PHTF2: variants seen among roughly 807,000 people sequenced by gnomAD.
PHTF2 encodes putative homeodomain transcription factor 2.
A neutral mutation model predicts 101.2 loss-of-function variants in PHTF2; 60 were observed. That is an observed-to-expected ratio of 0.59 (90% CI 0.48 to 0.73). The LOEUF (loss-of-function observed/expected upper bound fraction) is 0.73. Ranked by LOEUF, PHTF2 falls within the 30% of genes least tolerant of loss-of-function variation. The pLI, the probability that PHTF2 is intolerant of heterozygous loss-of-function variation, is 0.00. For synonymous variants in PHTF2, 311 were observed against 307.3 expected (o/e 1.01, Z -0.13); for missense variants, 747 against 908.7 (o/e 0.82, Z 2.29).
At chr7:77,819,597 T>C (rs1794116872) in intron 1 of PHTF2, among the ~76,000 whole-genome samples, 1 of 152,220 alleles carries the variant, frequency 6.6e-6, no homozygotes, top group Non-Finnish European at 1.5e-5. Flanking sequence ...TGAATCATGA[T>C]GTATTATCTT....
intron 13 of PHTF2, among the ~76,000 whole-genome samples, chr7:77,939,590 A>C (rs1351570267): frequency 4.5e-5 from 4 of 88,380 alleles, no homozygotes; most frequent in Non-Finnish European, 8.3e-5. Context: ...ACCCTGTCTC[A>C]AAAAAAAAAA....
chr7:77,799,490 C>G (rs529339649), intron 1 of PHTF2, among the ~76,000 whole-genome samples: 5 of 152,218 alleles, frequency 3.3e-5, no homozygotes, highest in Non-Finnish European at 4.4e-5. Context: ...TGCCCTGCCC[C>G]CTCTGAGCAG....
intron 8 of PHTF2, 87 bp from the exon 8 acceptor site, chr7:77,910,158 T>A (rs1802245537): frequency 9.3e-7 from 1 of 1,073,752 alleles, no homozygotes. Context: ...CCTGTGTTTA[T>A]GTTTTCCAAA....
At chr7:77,923,212 A>G (rs1005180906) in intron 11 of PHTF2, 2 of 906,368 alleles carry the variant, frequency 2.2e-6, no homozygotes, top group Admixed American at 1.2e-4. Context: ...CTTTGTTTCT[A>G]TTTTTCCTTA....
intron 14 of PHTF2, 93 bp from the exon 14 acceptor site, chr7:77,940,435 A>T: frequency 7.6e-7 from 1 of 1,316,200 alleles, no homozygotes; most frequent in Non-Finnish European, 1.0e-6. Context: ...TATAGTACCT[A>T]ACCAAATAAA....
chr7:77,906,934 T>TAA (rs10694050), intron 7 of PHTF2, among the ~76,000 whole-genome samples: 54,257 of 118,512 alleles, frequency 0.46, 12,652 homozygotes, highest in East Asian at 0.68. Context: ...TAATGGTAGC[T>TAA]AAAAAAAAAA....
intron 1 of PHTF2, among the ~76,000 whole-genome samples, chr7:77,799,633 C>T (rs1384932438): frequency 1.3e-5 from 2 of 152,196 alleles, no homozygotes; most frequent in Admixed American, 6.5e-5. Context: ...TTTATCTGCC[C>T]AGTGTTGACA....
intron 10 of PHTF2, among the ~76,000 whole-genome samples, chr7:77,921,076 C>G (rs1803416424): frequency 6.6e-6 from 1 of 152,208 alleles, no homozygotes; most frequent in South Asian, 2.1e-4. Context: ...AGAATTTGCA[C>G]TAAGTGGAAC....
At position 77,848,272 on chromosome 7, in the gene PHTF2, A is replaced by G. The variant is rs370799166; in HGVS notation, c.46-6461A>G. ...TGGTAGTTCTATTTTTAGTTTTTCA[A>G]GGAACCTCCGTACTGTTCTCCATAG... On this transcript the variant is annotated intron_variant, in intron 2 of 19. Transcript: ENST00000416283. Among the ~76,000 whole-genome samples, 9 of 152,260 alleles carry G rather than the reference A, an allele frequency of 5.9e-5. No homozygotes were observed. The South Asian group carries it at 1.5e-3, about 25-fold the overall frequency.
intron 3 of PHTF2, among the ~76,000 whole-genome samples, chr7:77,888,429 A>G (rs2150778042): frequency 6.6e-6 from 1 of 152,272 alleles, no homozygotes. Context: ...AATGTTAGGT[A>G]CTTTTAAAGA....
exon 14 of PHTF2, chr7:77,940,289 G>T: frequency 6.2e-7 from 1 of 1,611,044 alleles, no homozygotes; most frequent in South Asian, 1.1e-5. Flanking sequence ...GTAGCAGAAA[G>T]AACTTATAAA....
At chr7:77,825,976 C>T (rs1201853361) in intron 1 of PHTF2, among the ~76,000 whole-genome samples, 1 of 152,002 alleles carries the variant, frequency 6.6e-6, no homozygotes, top group Non-Finnish European at 1.5e-5. Context: ...CAGACAAAAG[C>T]TTTTGAAATG....
At chr7:77,871,615 A>G (rs1273609504) in intron 3 of PHTF2, among the ~76,000 whole-genome samples, 1 of 152,216 alleles carries the variant, frequency 6.6e-6, no homozygotes, top group Non-Finnish European at 1.5e-5. Context: ...TGGCTATTGG[A>G]GAAACAGTAC....
chr7:77,863,460 G>A (rs1362888205), intron 3 of PHTF2, among the ~76,000 whole-genome samples: 1 of 152,052 alleles, frequency 6.6e-6, no homozygotes, highest in Non-Finnish European at 1.5e-5. Context: ...TTTATTTACT[G>A]GTAGAAAACC....
chr7:77,816,962 C>T (rs1419213417), intron 1 of PHTF2, among the ~76,000 whole-genome samples: 1 of 152,216 alleles, frequency 6.6e-6, no homozygotes, highest in Non-Finnish European at 1.5e-5. Flanking sequence ...TTTATCCATT[C>T]ATCTGTTGTT....
intron 1 of PHTF2, among the ~76,000 whole-genome samples, chr7:77,811,692 G>C (rs1484926604): frequency 6.6e-6 from 1 of 152,138 alleles, no homozygotes; most frequent in African/African-American, 2.4e-5. Flanking sequence ...GATCCAACAA[G>C]ATATTCCATA....
At chr7:77,881,525 T>G (rs1017965934) in intron 3 of PHTF2, among the ~76,000 whole-genome samples, 2 of 152,108 alleles carry the variant, frequency 1.3e-5, no homozygotes, top group Admixed American at 6.5e-5. Context: ...GTTTTGTTTT[T>G]TTTTTTTACT....
At chr7:77,828,155 T>C (rs1184023661) in intron 1 of PHTF2, among the ~76,000 whole-genome samples, 1 of 152,252 alleles carries the variant, frequency 6.6e-6, no homozygotes. Context: ...CATGTTTGAA[T>C]TGAGCCTGAT....
chr7:77,841,074 A>AATTTTTTTTTTTTTT (rs1562863302), intron 2 of PHTF2, among the ~76,000 whole-genome samples: 1 of 51,418 alleles, frequency 1.9e-5, no homozygotes, highest in African/African-American at 1.8e-4. Flanking sequence ...GAAAAAACAG[A>AATTTTTTTTTTTTTT]CTTTTTTTTT....
Sources: allele counts gnomAD v4.1 joint callset (sites outside exome capture counted in the v4.1 genomes callset), GRCh38; gene constraint gnomAD v4.1.1; transcripts MANE v1.5; gene names NCBI Gene and HGNC (gene_info 2026-07-23, HGNC 2026-07-21).